Variants in RNF150 observed in about 807,000 individuals in gnomAD.
The protein encoded by RNF150 is ring finger protein 150.
RNF150 carries 24 observed loss-of-function variants against 39.3 expected under a neutral mutation model. The observed-to-expected ratio is 0.61, with a 90% CI of 0.44 to 0.86. The LOEUF is 0.86. Ranked by LOEUF, RNF150 falls within the 40% of genes least tolerant of loss-of-function variation. The pLI is 0.00. For missense variants in RNF150, 502 were observed against 587.8 expected (o/e 0.85, Z 1.51); for synonymous variants, 255 against 227.3 (o/e 1.12, Z -1.10).
intron 1 of RNF150, among the ~76,000 whole-genome samples, chr4:141,004,196 G>T (rs1734781057): frequency 6.6e-6 from 1 of 151,324 alleles, no homozygotes; most frequent in South Asian, 2.1e-4. Context: ...CTTTCATGGG[G>T]GTTTAAACTT....
chr4:140,979,414 G>A (rs1170744509), intron 1 of RNF150, among the ~76,000 whole-genome samples: 2 of 151,950 alleles, frequency 1.3e-5, no homozygotes, highest in East Asian at 3.9e-4. Flanking sequence ...AAACCTTGAA[G>A]CTTCAGGTTC....
chr4:141,072,155 G>A (rs549460092), intron 1 of RNF150, among the ~76,000 whole-genome samples: 2 of 152,248 alleles, frequency 1.3e-5, no homozygotes, highest in South Asian at 2.1e-4. Flanking sequence ...TGAGCACTGA[G>A]GGCCTTTCCA....
intron 5 of RNF150, among the ~76,000 whole-genome samples, chr4:140,913,523 T>C (rs547581463): frequency 6.6e-6 from 1 of 152,316 alleles, no homozygotes; most frequent in African/African-American, 2.4e-5. Context: ...GGTCTCAAGT[T>C]GGCCCCTGGT....
chr4:141,185,020 T>TC (rs1727980033), intron 1 of RNF150, among the ~76,000 whole-genome samples: 1 of 151,550 alleles, frequency 6.6e-6, no homozygotes, highest in Non-Finnish European at 1.5e-5. Context: ...TCATTTTTTT[T>TC]TGTTTCCATA....
chr4:141,041,739 G>C (rs1560705099), intron 1 of RNF150, among the ~76,000 whole-genome samples: 1 of 151,994 alleles, frequency 6.6e-6, no homozygotes, highest in Non-Finnish European at 1.5e-5. Context: ...CAAATACAAT[G>C]TAAGAAAATG....
intron 2 of RNF150, among the ~76,000 whole-genome samples, chr4:140,955,412 T>C (rs1056072947): frequency 3.9e-5 from 6 of 152,142 alleles, no homozygotes; most frequent in Non-Finnish European, 7.4e-5. Context: ...CTTTGTCCTA[T>C]TTTTGTCACT....
chr4:141,193,205 C>T (rs1728142887), intron 1 of RNF150, among the ~76,000 whole-genome samples: 1 of 152,250 alleles, frequency 6.6e-6, no homozygotes, highest in Non-Finnish European at 1.5e-5. Flanking sequence ...ACTACTGTAT[C>T]TTAGCAATTA....
chr4:141,067,305 A>C (rs1737499768), intron 1 of RNF150, among the ~76,000 whole-genome samples: 1 of 152,210 alleles, frequency 6.6e-6, no homozygotes, highest in Non-Finnish European at 1.5e-5. Flanking sequence ...GCTATTGCTA[A>C]GTCAAATTTT....
intron 1 of RNF150, among the ~76,000 whole-genome samples, chr4:141,172,049 C>A (rs1727737441): frequency 1.3e-5 from 2 of 152,158 alleles, no homozygotes; most frequent in South Asian, 4.1e-4. Context: ...GCTATTGCCA[C>A]AATAATGCTC....
At chr4:140,950,695 C>T (rs1308120821) in intron 2 of RNF150, among the ~76,000 whole-genome samples, 1 of 152,214 alleles carries the variant, frequency 6.6e-6, no homozygotes, top group Non-Finnish European at 1.5e-5. Flanking sequence ...AGTCAACCAA[C>T]CATCCAGCCA....
At chr4:141,082,704 T>G (rs945537742) in intron 1 of RNF150, among the ~76,000 whole-genome samples, 15 of 151,300 alleles carry the variant, frequency 9.9e-5, no homozygotes, top group African/African-American at 3.6e-4. Context: ...TTCTCCTGCC[T>G]CAGCCTCCCG....
At chr4:140,900,493 T>C (rs1189293700) in intron 6 of RNF150, among the ~76,000 whole-genome samples, 2 of 152,102 alleles carry the variant, frequency 1.3e-5, no homozygotes. Flanking sequence ...GATCAATTAG[T>C]GAAAAAATAA....
At chr4:141,077,922 A>G (rs1379289191) in intron 1 of RNF150, among the ~76,000 whole-genome samples, 1 of 152,254 alleles carries the variant, frequency 6.6e-6, no homozygotes, top group Non-Finnish European at 1.5e-5. Flanking sequence ...AATGTAAATT[A>G]TGAAGGCTTT....
At chr4:141,053,542 A>C in intron 1 of RNF150, 1 of 466,010 alleles carries the variant, frequency 2.1e-6, no homozygotes, top group East Asian at 3.5e-5. Context: ...GCTCAAAAGA[A>C]GACAAGAAAT....
intron 1 of RNF150, among the ~76,000 whole-genome samples, chr4:141,022,199 T>C (rs1271256911): frequency 6.6e-6 from 1 of 152,132 alleles, no homozygotes; most frequent in Non-Finnish European, 1.5e-5. Context: ...TTATAATCTC[T>C]TTGCACTGGG....
intron 1 of RNF150, among the ~76,000 whole-genome samples, chr4:141,157,915 C>G (rs145685166): frequency 1.3e-5 from 2 of 152,330 alleles, no homozygotes; most frequent in African/African-American, 4.8e-5. Context: ...ATATCTCAGT[C>G]TTTTCACCCA....
intron 6 of RNF150, among the ~76,000 whole-genome samples, chr4:140,881,483 G>T (rs1457419326): frequency 2.0e-5 from 3 of 151,968 alleles, no homozygotes; most frequent in Non-Finnish European, 4.4e-5. Flanking sequence ...TTCTTTTGTT[G>T]CCTCCCATAA....
intron 1 of RNF150, among the ~76,000 whole-genome samples, chr4:141,073,661 C>CT (rs992497552): frequency 4.7e-5 from 3 of 63,214 alleles, no homozygotes; most frequent in African/African-American, 6.9e-5. Context: ...CAATATCAAG[C>CT]TCGGGGGGGG....
At chr4:141,190,067 C>A (rs1728077945) in intron 1 of RNF150, among the ~76,000 whole-genome samples, 1 of 152,064 alleles carries the variant, frequency 6.6e-6, no homozygotes, top group Non-Finnish European at 1.5e-5. Context: ...TATGGCTTCC[C>A]TTGGCTAAGG....
Sources: gnomAD v4.1 joint callset for allele counts (sites outside exome capture counted in the v4.1 genomes callset) on GRCh38, gnomAD v4.1.1 for gene constraint, MANE v1.5 for transcripts, NCBI Gene and HGNC (gene_info 2026-07-23, HGNC 2026-07-21) for gene names.